Variants in CTNNA2 observed in about 807,000 individuals in gnomAD.
CTNNA2 encodes catenin alpha 2.
CTNNA2 carries 42 observed loss-of-function variants against 101.0 expected under a neutral mutation model. That is an observed-to-expected ratio of 0.42 (90% CI 0.32 to 0.54). The LOEUF is 0.54. Ranked by LOEUF, CTNNA2 falls within the 20% of genes least tolerant of loss-of-function variation. The pLI is 0.14. For synonymous variants in CTNNA2, 450 were observed against 456.4 expected (o/e 0.99, Z 0.18); for missense variants, 871 against 1,223.1 (o/e 0.71, Z 4.29).
chr2:80,567,366 CTG>C (rs1180517673), intron 12 of CTNNA2, among the ~76,000 whole-genome samples: 2 of 152,112 alleles, frequency 1.3e-5, no homozygotes, highest in Non-Finnish European at 2.9e-5. Context: ...TCTACATTGA[CTG>C]TGAATTGGAA....
intron 7 of CTNNA2, among the ~76,000 whole-genome samples, chr2:80,321,929 T>G (rs1678734536): frequency 8.8e-6 from 1 of 113,794 alleles, no homozygotes; most frequent in Non-Finnish European, 1.9e-5. Context: ...TTCTCTGTAT[T>G]TTATTTATTT....
rs758711209 is a variant in CTNNA2 at position 80,604,058 on chromosome 2, G to A, written c.2190-16G>A. The A allele has an allele frequency of 6.2e-7, 1 of 1,600,998 alleles. No homozygotes were observed. On this transcript the variant is annotated splice_polypyrimidine_tract_variant and intron_variant, in intron 15 of 18. Coordinates refer to ENST00000402739, the MANE Select transcript of CTNNA2 (RefSeq NM_001282597.3). ...CATTAAGTGGATTTCTAATTATGTTGTATATGTTGTTTCAGAGGCAAAGGC... is the reference window on the plus strand; with the variant it reads ...CATTAAGTGGATTTCTAATTATGTTATATATGTTGTTTCAGAGGCAAAGGC...
chr2:80,161,837 G>A (rs1704342664), intron 7 of CTNNA2, among the ~76,000 whole-genome samples: 1 of 151,896 alleles, frequency 6.6e-6, no homozygotes, highest in African/African-American at 2.4e-5. Context: ...CCTCAAATGT[G>A]GTTTCATGAA....
chr2:79,911,030 A>G (rs1685758746), intron 7 of CTNNA2, among the ~76,000 whole-genome samples: 1 of 152,194 alleles, frequency 6.6e-6, no homozygotes, highest in Non-Finnish European at 1.5e-5. Context: ...GCACACAAAG[A>G]ATAAAATGTG....
At chr2:79,459,698 T>A (rs1283576206) in intron 4 of CTNNA2, among the ~76,000 whole-genome samples, 1 of 152,142 alleles carries the variant, frequency 6.6e-6, no homozygotes, top group African/African-American at 2.4e-5. Flanking sequence ...TTGAACACAA[T>A]CAAGAAGAAA....
chr2:80,054,008 T>G (rs1697050787), intron 7 of CTNNA2, among the ~76,000 whole-genome samples: 1 of 152,248 alleles, frequency 6.6e-6, no homozygotes, highest in Non-Finnish European at 1.5e-5. Context: ...GGGATAAGTT[T>G]AGTTAAGTGA....
At chr2:80,244,965 A>G (rs1035922818) in intron 7 of CTNNA2, among the ~76,000 whole-genome samples, 29 of 152,338 alleles carry the variant, frequency 1.9e-4, no homozygotes, top group Middle Eastern at 3.4e-3. Flanking sequence ...AAACTAGTTT[A>G]TGTGCATGTG....
chr2:79,718,093 T>C (rs1686226005), intron 2 of CTNNA2, among the ~76,000 whole-genome samples: 1 of 152,166 alleles, frequency 6.6e-6, no homozygotes, highest in Non-Finnish European at 1.5e-5. Context: ...TTTGTTTACA[T>C]AAAAGGGAAA....
At chr2:80,177,510 T>C (rs1705469576) in intron 7 of CTNNA2, among the ~76,000 whole-genome samples, 1 of 152,044 alleles carries the variant, frequency 6.6e-6, no homozygotes, top group Non-Finnish European at 1.5e-5. Flanking sequence ...CCTTGGTGAG[T>C]GGAAGTCCGT....
At chr2:80,555,337 G>C (rs1419955365) in intron 11 of CTNNA2, among the ~76,000 whole-genome samples, 1 of 152,044 alleles carries the variant, frequency 6.6e-6, no homozygotes, top group Non-Finnish European at 1.5e-5. Context: ...AACAAAGGAA[G>C]GGATATTCTT....
rs182155049 is a variant in CTNNA2 at position 79,287,923 on chromosome 2, G to C, written c.-405-24786G>C. Among the ~76,000 whole-genome samples, 409 of 152,362 alleles carry C rather than the reference G, an allele frequency of 2.7e-3. 1 individual carries two copies. Among genetic ancestry groups the C allele is most frequent in the African/African-American group, 9.5e-3 (395 of 41,588 alleles). Reference sequence around the variant, plus strand: ...AGACTCCACGGGCGTCGGACCCTCTGAGCCAGGTGCGGGATATAATCTCCT... The same window carrying C: ...AGACTCCACGGGCGTCGGACCCTCTCAGCCAGGTGCGGGATATAATCTCCT... On this transcript the variant is annotated intron_variant, in intron 2 of 21. Coordinates refer to the CTNNA2 transcript ENST00000466387.
intron 7 of CTNNA2, among the ~76,000 whole-genome samples, chr2:80,377,373 GACT>G (rs1257039037): frequency 1.3e-5 from 2 of 152,190 alleles, no homozygotes; most frequent in African/African-American, 4.8e-5. Context: ...TTTCATGCTA[GACT>G]CAGAGATAGA....
Position 80,566,680 on chromosome 2 carries a change from G to A in CTNNA2, c.1742-7483G>A, listed in dbSNP as rs79369923. Among the ~76,000 whole-genome samples the A allele has an allele frequency of 2.4e-3, 358 of 152,288 alleles. 1 individual carries two copies. The highest frequency in any genetic ancestry group is 8.1e-3 in the African/African-American group (336 of 41,566). ...GACAGAGGAATAACAGAGCTAGATC[G>A]TGGAGAAGGAAGGGCCTAGATTCAT... is the stretch of plus-strand genomic sequence containing the variant. On this transcript the variant is annotated intron_variant, in intron 12 of 18. Coordinates refer to ENST00000402739, the MANE Select transcript of CTNNA2 (RefSeq NM_001282597.3).
chr2:80,006,060 A>G (rs1286611194), intron 7 of CTNNA2, among the ~76,000 whole-genome samples: 1 of 152,146 alleles, frequency 6.6e-6, no homozygotes. Flanking sequence ...CTGTGACTTA[A>G]CAGAAACCTA....
Position 79,403,249 on chromosome 2 carries a change from A to G in CTNNA2, c.-135+29236A>G, listed in dbSNP as rs571908934. 1.1e-4 allele frequency among the ~76,000 whole-genome samples: 17 copies of G among 152,032 alleles called. No homozygotes were observed. In the South Asian group the frequency reaches 3.3e-3, roughly 30 times the overall value. ...CATTACTTTAAAATTTAGAGTTTAT[A>G]TTAAACAAATTACAACTCTAAACAA... On this transcript the variant is annotated intron_variant, in intron 4 of 21. Coordinates refer to the CTNNA2 transcript ENST00000466387.
At chr2:79,750,090 A>G (rs1047703525) in intron 3 of CTNNA2, among the ~76,000 whole-genome samples, 1 of 152,176 alleles carries the variant, frequency 6.6e-6, no homozygotes, top group Non-Finnish European at 1.5e-5. Context: ...TGAACCATTC[A>G]CAGAAAAGCT....
At chr2:79,646,651 T>C (rs1314643803) in intron 1 of CTNNA2, among the ~76,000 whole-genome samples, 1 of 147,890 alleles carries the variant, frequency 6.8e-6, no homozygotes, top group Non-Finnish European at 1.5e-5. Context: ...CACCTCAGCC[T>C]CCTCAGTAGC....
At chr2:80,344,941 C>T (rs1672596107) in intron 7 of CTNNA2, among the ~76,000 whole-genome samples, 1 of 152,188 alleles carries the variant, frequency 6.6e-6, no homozygotes, top group Non-Finnish European at 1.5e-5. Flanking sequence ...GTTGCCTCTA[C>T]ACTGAAATAG....
chr2:79,300,598 C>A (rs1676085950), intron 2 of CTNNA2, among the ~76,000 whole-genome samples: 1 of 152,132 alleles, frequency 6.6e-6, no homozygotes. Flanking sequence ...TGCACTATCA[C>A]AAATTTCTTC....
Sources: gnomAD v4.1 joint callset for allele counts (sites outside exome capture counted in the v4.1 genomes callset) on GRCh38, gnomAD v4.1.1 for gene constraint, MANE v1.5 for transcripts, NCBI Gene and HGNC (gene_info 2026-07-23, HGNC 2026-07-21) for gene names.